Variants in USP43 observed in about 807,000 individuals in gnomAD.
The protein encoded by USP43 is ubiquitin carboxyl-terminal hydrolase 43.
USP43 carries 33 observed loss-of-function variants against 90.7 expected under a neutral mutation model. The ratio of observed to expected loss-of-function variants is 0.36; its 90% CI spans 0.28 to 0.49. The LOEUF is 0.49. Among genes scored for constraint, USP43 ranks in the 20% least tolerant of loss-of-function variants. The pLI is 0.98. For missense variants in USP43, 1,274 were observed against 1,476.4 expected (o/e 0.86, Z 2.25); for synonymous variants, 598 against 615.8 (o/e 0.97, Z 0.43).
intron 14 of USP43, among the ~76,000 whole-genome samples, chr17:9,722,064 G>A (rs1916990988): frequency 6.6e-6 from 1 of 151,970 alleles, no homozygotes; most frequent in South Asian, 2.1e-4. Context: ...AGTAATCCTT[G>A]CATTTTAATA....
chr17:9,727,612 G>A (rs967147925), intron 14 of USP43, among the ~76,000 whole-genome samples: 1 of 151,960 alleles, frequency 6.6e-6, no homozygotes, highest in Non-Finnish European at 1.5e-5. Flanking sequence ...TGGGCATTCC[G>A]TTTCATAGGA....
intron 12 of USP43, among the ~76,000 whole-genome samples, chr17:9,708,337 G>T (rs1164108910): frequency 6.6e-6 from 1 of 152,190 alleles, no homozygotes. Flanking sequence ...TAGTTGCTCT[G>T]CTGTATGGAG....
At chr17:9,660,371 G>A (rs775320824) in intron 2 of USP43, among the ~76,000 whole-genome samples, 6 of 152,078 alleles carry the variant, frequency 3.9e-5, no homozygotes, top group Non-Finnish European at 7.4e-5. Context: ...GGCTGGCCTC[G>A]AACTCCTGAC....
At chr17:9,667,872 T>C (rs1031802622) in intron 3 of USP43, among the ~76,000 whole-genome samples, 2 of 152,204 alleles carry the variant, frequency 1.3e-5, no homozygotes, top group African/African-American at 4.8e-5. Flanking sequence ...TCTATATATA[T>C]TTTAAGCCTT....
chr17:9,722,486 G>T (rs1276377444), intron 14 of USP43, among the ~76,000 whole-genome samples: 1 of 152,156 alleles, frequency 6.6e-6, no homozygotes, highest in African/African-American at 2.4e-5. Context: ...CGTTTTTAAA[G>T]ATTTTATATG....
intron 8 of USP43, among the ~76,000 whole-genome samples, chr17:9,689,529 A>T (rs919517103): frequency 6.6e-6 from 1 of 151,798 alleles, no homozygotes; most frequent in Non-Finnish European, 1.5e-5. Context: ...CTCCCACCTC[A>T]TCCTTGCAAG....
chr17:9,680,468 T>C, intron 6 of USP43, 102 bp downstream of exon 6: 2 of 1,369,516 alleles, frequency 1.5e-6, no homozygotes, highest in Non-Finnish European at 2.0e-6. Flanking sequence ...ATTTTAGCAC[T>C]TGGAACAGTC....
At chr17:9,650,870 C>T (rs906723576) in intron 1 of USP43, among the ~76,000 whole-genome samples, 1 of 151,868 alleles carries the variant, frequency 6.6e-6, no homozygotes, top group Non-Finnish European at 1.5e-5. Flanking sequence ...TTTTGGGGAA[C>T]CGGCAGTATT....
intron 9 of USP43, among the ~76,000 whole-genome samples, chr17:9,697,328 C>T (rs1915329588): frequency 1.3e-5 from 2 of 151,508 alleles, no homozygotes. Context: ...GTTGTCTTCT[C>T]ACTTATATAA....
intron 14 of USP43, among the ~76,000 whole-genome samples, chr17:9,716,980 A>G (rs1189289171): frequency 2.0e-5 from 3 of 152,080 alleles, no homozygotes; most frequent in Admixed American, 2.0e-4. Context: ...TACTAAAAAT[A>G]CAAAAATTAG....
At chr17:9,655,961 A>G (rs1285021461) in intron 1 of USP43, among the ~76,000 whole-genome samples, 10 of 152,194 alleles carry the variant, frequency 6.6e-5, no homozygotes, top group Admixed American at 6.5e-4. Context: ...TCAGCGAGGG[A>G]GAGCAAGTAG....
intron 9 of USP43, among the ~76,000 whole-genome samples, chr17:9,695,254 T>A (rs1475052116): frequency 6.6e-6 from 1 of 151,748 alleles, no homozygotes; most frequent in African/African-American, 2.4e-5. Context: ...GCCCTTGCCC[T>A]GCCTCTTCCA....
chr17:9,671,324 A>G (rs1235797215), intron 3 of USP43, among the ~76,000 whole-genome samples: 2 of 152,076 alleles, frequency 1.3e-5, no homozygotes, highest in African/African-American at 4.8e-5. Context: ...TGTCCTTCAT[A>G]GCCTTTATCC....
intron 3 of USP43, among the ~76,000 whole-genome samples, chr17:9,672,421 A>G (rs544471780): frequency 6.6e-6 from 1 of 152,376 alleles, no homozygotes; most frequent in Non-Finnish European, 1.5e-5. Flanking sequence ...CCAGTTTAAT[A>G]TGTCGCAATG....
intron 8 of USP43, among the ~76,000 whole-genome samples, chr17:9,688,489 TA>T (rs1914736774): frequency 6.6e-6 from 1 of 151,672 alleles, no homozygotes; most frequent in Non-Finnish European, 1.5e-5. Context: ...TAGCTAGGAC[TA>T]CAGGCAAGCG....
At chr17:9,715,916 T>C (rs2151997788) in intron 14 of USP43, among the ~76,000 whole-genome samples, 1 of 151,908 alleles carries the variant, frequency 6.6e-6, no homozygotes, top group South Asian at 2.1e-4. Flanking sequence ...TGTATCTGTG[T>C]ATATGTGTCT....
chr17:9,728,829 C>G lies in USP43; in HGVS notation c.3211C>G (p.Arg1071Gly). The G allele has an allele frequency of 5.0e-6, 8 of 1,613,808 alleles. No individual in the cohort carries two copies. Among genetic ancestry groups the G allele is most frequent in the Non-Finnish European group, 6.8e-6 (8 of 1,179,842 alleles). The change falls in exon 15 of 15, where the codon CGC becomes GGC. Residue 1071 changes from arginine to glycine, a missense_variant. Coordinates refer to ENST00000285199, the MANE Select transcript of USP43 (RefSeq NM_153210.5). The surrounding 1 kb of genome is among the most constrained non-coding windows in gnomAD (Gnocchi z 6.2). ...TGTCTGGTCAGCCCCCAGCTCTCTCCGCCTCCCTCGTAAAGCCAGCAGGGC... is the reference window on the plus strand; with the variant it reads ...TGTCTGGTCAGCCCCCAGCTCTCTCGGCCTCCCTCGTAAAGCCAGCAGGGC... ...RDVWSAPSSLRLPRKASRAPR... is the reference protein window; with the variant it reads ...RDVWSAPSSLGLPRKASRAPR...
intron 13 of USP43, 119 bp from the exon 14 acceptor site, chr17:9,711,848 GT>G: frequency 8.4e-7 from 1 of 1,187,994 alleles, no homozygotes; most frequent in Non-Finnish European, 1.1e-6. Flanking sequence ...TTCTGTTCTG[GT>G]TCTGTAGTTC....
At chr17:9,722,880 A>G (rs1447914017) in intron 14 of USP43, among the ~76,000 whole-genome samples, 2 of 152,128 alleles carry the variant, frequency 1.3e-5, no homozygotes, top group Non-Finnish European at 2.9e-5. Context: ...ACTTAGCTTT[A>G]TGTGACACAT....
Sources: allele counts gnomAD v4.1 joint callset (sites outside exome capture counted in the v4.1 genomes callset), GRCh38; gene constraint gnomAD v4.1.1; non-coding constraint Gnocchi (gnomAD v3.1); transcripts MANE v1.5; gene names NCBI Gene and HGNC (gene_info 2026-07-23, HGNC 2026-07-21).